The following NEAT1 variants were observed in gnomAD, a reference collection of about 807,000 sequenced individuals.
NEAT1 encodes nuclear paraspeckle assembly transcript 1, also known as MENepsilon/beta.
exon 1 of NEAT1, chr11:65,428,700 TC>T (rs1856585575): frequency 6.6e-6 from 1 of 152,150 alleles, no homozygotes; most frequent in Non-Finnish European, 1.5e-5. Context: ...GCTGTGAACT[TC>T]CTCTGAGTGA....
chr11:65,437,195 G>GTATATATATATGTATATGTATATATATA, exon 1 of NEAT1: 1 of 129,038 alleles, frequency 7.7e-6, no homozygotes, highest in African/African-American at 3.0e-5. Flanking sequence ...ATATATATAT[G>GTATATATATATGTATATGTATATATATA]TATATATATA....
exon 1 of NEAT1, chr11:65,430,144 G>A (rs1468674065): frequency 6.6e-6 from 1 of 152,242 alleles, no homozygotes; most frequent in African/African-American, 2.4e-5. Context: ...GTGAAATGCG[G>A]GTAAATGAAT....
At chr11:65,434,053 A>G (rs1260268946) in exon 1 of NEAT1, 2 of 152,172 alleles carry the variant, frequency 1.3e-5, no homozygotes, top group African/African-American at 2.4e-5. Flanking sequence ...ATCTTATGGA[A>G]CATTCTCATT....
At chr11:65,437,183 TTATATATATATGTA>T (rs1565634232) in exon 1 of NEAT1, 2 of 139,098 alleles carry the variant, frequency 1.4e-5, no homozygotes, top group Admixed American at 7.4e-5. Flanking sequence ...GCTCTTTAGT[TTATATATATATGTA>T]TATATATATA....
exon 1 of NEAT1, chr11:65,434,259 T>C (rs569899954): frequency 6.6e-6 from 1 of 152,302 alleles, no homozygotes; most frequent in South Asian, 2.1e-4. Flanking sequence ...GTTTTCTCCT[T>C]ACACAGAGTT....
At chr11:65,439,516 T>C (rs986802578) in exon 1 of NEAT1, 1 of 151,986 alleles carries the variant, frequency 6.6e-6, no homozygotes, top group African/African-American at 2.4e-5. Flanking sequence ...CGAAAACTTG[T>C]CTCTACTAAA....
exon 1 of NEAT1, chr11:65,424,566 G>A (rs1376954788): frequency 1.3e-5 from 2 of 152,348 alleles, no homozygotes; most frequent in East Asian, 1.9e-4. Context: ...GCGTTGAAGA[G>A]CTGTTTAATT....
At chr11:65,429,819 C>T (rs913067125) in exon 1 of NEAT1, 1 of 151,988 alleles carries the variant, frequency 6.6e-6, no homozygotes, top group African/African-American at 2.4e-5. Flanking sequence ...AAACCTTCTT[C>T]CCCGTGGTGT....
At chr11:65,428,352 CTGT>C (rs767474242) in exon 1 of NEAT1, 15 of 152,282 alleles carry the variant, frequency 9.9e-5, no homozygotes, top group Non-Finnish European at 2.1e-4. Flanking sequence ...CAGGAACGGC[CTGT>C]TGTTACAAAA....
exon 1 of NEAT1, chr11:65,434,523 T>G (rs1262309922): frequency 6.6e-6 from 1 of 152,216 alleles, no homozygotes; most frequent in African/African-American, 2.4e-5. Context: ...CTCATTGTTT[T>G]CAACTTCTGC....
exon 1 of NEAT1, chr11:65,442,796 CT>C (rs1856726598): frequency 6.6e-6 from 1 of 152,298 alleles, no homozygotes; most frequent in Non-Finnish European, 1.5e-5. Flanking sequence ...AGAAGAATCA[CT>C]TGAACCCGGG....
chr11:65,444,309 G>A (rs1478343310), exon 1 of NEAT1: 2 of 353,758 alleles, frequency 5.7e-6, no homozygotes, highest in Non-Finnish European at 1.1e-5. Context: ...GTGTGTGTGT[G>A]TGTGTGTGTG....
chr11:65,442,163 C>T (rs1253411279), exon 1 of NEAT1: 20 of 151,692 alleles, frequency 1.3e-4, no homozygotes, highest in African/African-American at 4.9e-4. Flanking sequence ...CCATCAACAT[C>T]CCCCATGGCC....
chr11:65,431,060 C>T (rs764342536), exon 1 of NEAT1: 2 of 152,146 alleles, frequency 1.3e-5, no homozygotes, highest in African/African-American at 2.4e-5. Flanking sequence ...TCCCTCCAGC[C>T]TCAGCAACCC....
In NEAT1 at chr11:65,437,454, T is replaced by C. The variant is rs567861183; in HGVS notation, n.14657T>C. Reference sequence around the variant, plus strand: ...TGTCCTTACACCATTTTCTGGCTAATACAGCTATTAACTATTGATCTGTCT... The same window carrying C: ...TGTCCTTACACCATTTTCTGGCTAACACAGCTATTAACTATTGATCTGTCT... On this transcript the variant is annotated non_coding_transcript_exon_variant, in exon 1 of 1. Transcript: ENST00000501122. 9 of 152,094 alleles carry C rather than the reference T, an allele frequency of 5.9e-5. No individual in the cohort carries two copies. The East Asian group carries it at 1.4e-3, about 23-fold the overall frequency. The allele number at this position is 152,094 out of a possible 1,614,324, so 9.4% of individuals were successfully genotyped here. A position where few individuals can be genotyped will look rare whatever the true frequency, so the allele number is the denominator to read the frequency against.
At chr11:65,442,384 G>GA (rs1328112046) in exon 1 of NEAT1, 1 of 151,090 alleles carries the variant, frequency 6.6e-6, no homozygotes, top group Non-Finnish European at 1.5e-5. Flanking sequence ...GCTCTGACCC[G>GA]AAGGGTAGGA....
At chr11:65,441,844 T>C (rs1788890082) in exon 1 of NEAT1, 1 of 152,270 alleles carries the variant, frequency 6.6e-6, no homozygotes, top group African/African-American at 2.4e-5. Context: ...GGTTCACTTA[T>C]GATCACGCTT....
exon 1 of NEAT1, chr11:65,429,641 G>A (rs898766919): frequency 5.9e-5 from 9 of 151,980 alleles, no homozygotes; most frequent in Non-Finnish European, 1.0e-4. Flanking sequence ...TTTATAGGTT[G>A]CCTTTTAATT....
exon 1 of NEAT1, chr11:65,431,191 T>C (rs1350887305): frequency 2.6e-5 from 4 of 152,226 alleles, no homozygotes; most frequent in African/African-American, 9.6e-5. Flanking sequence ...TCGAGATGCG[T>C]CTATGTTGTA....
Sources: gnomAD v4.1 joint callset for allele counts on GRCh38, gnomAD v4.1.1 for gene constraint, MANE v1.5 for transcripts, NCBI Gene and HGNC (gene_info 2026-07-23, HGNC 2026-07-21) for gene names.